KIAA0825: variants seen among roughly 807,000 people sequenced by gnomAD.
KIAA0825 encodes KIAA0825, also known as uncharacterized protein KIAA0825.
KIAA0825 carries 119 observed loss-of-function variants against 147.6 expected under a neutral mutation model. The observed-to-expected ratio is 0.81, with a 90% CI of 0.69 to 0.94. The LOEUF (loss-of-function observed/expected upper bound fraction) is 0.94, where lower values mean the gene tolerates loss of function less well. KIAA0825 is among the 40% of genes least tolerant of loss of function. The pLI is 0.00. For synonymous variants in KIAA0825, 470 were observed against 518.1 expected (o/e 0.91, Z 1.26); for missense variants, 1,381 against 1,472.7 (o/e 0.94, Z 1.02).
chr5:94,424,339 T>A (rs1294591391), intron 14 of KIAA0825, among the ~76,000 whole-genome samples: 1 of 151,950 alleles, frequency 6.6e-6, no homozygotes, highest in East Asian at 1.9e-4. Flanking sequence ...AACAAAGGAA[T>A]AAAACTAGAT....
Position 94,230,285 on chromosome 5 carries a change from A to C in KIAA0825, c.3711-76161T>G, listed in dbSNP as rs76846720. ...TCTCGTGTTTTCAGTTCCATTAATC[A>C]CCCTCAACCTAGAGTGTTCCTAATG... On this transcript the variant is annotated intron_variant, in intron 20 of 20. Transcript: ENST00000682413. Among the ~76,000 whole-genome samples, 960 of 152,262 alleles carry C rather than the reference A, an allele frequency of 6.3e-3. 10 individuals are homozygous for C. Among genetic ancestry groups the C allele is most frequent in the African/African-American group, 0.022 (932 of 41,554 alleles).
At chr5:94,505,849 A>G (rs1490310484) in intron 5 of KIAA0825, among the ~76,000 whole-genome samples, 1 of 152,164 alleles carries the variant, frequency 6.6e-6, no homozygotes, top group African/African-American at 2.4e-5. Context: ...ATTCGATCTC[A>G]TGACATTTAA....
intron 14 of KIAA0825, among the ~76,000 whole-genome samples, chr5:94,424,461 A>C (rs1754588795): frequency 6.6e-6 from 1 of 152,170 alleles, no homozygotes; most frequent in Non-Finnish European, 1.5e-5. Context: ...AATTTAAAAA[A>C]ATTCCTAAAA....
chr5:94,245,736 C>A (rs1407721032), intron 20 of KIAA0825, among the ~76,000 whole-genome samples: 3 of 152,148 alleles, frequency 2.0e-5, no homozygotes, highest in Admixed American at 2.0e-4. Context: ...TGATATATGA[C>A]TAAAGTGACA....
intron 20 of KIAA0825, among the ~76,000 whole-genome samples, chr5:94,345,797 G>C (rs956916669): frequency 6.6e-6 from 1 of 151,912 alleles, no homozygotes; most frequent in Non-Finnish European, 1.5e-5. Context: ...CGGGAGCTTC[G>C]ACAAGACTCA....
At chr5:94,436,709 G>A (rs1010381933) in intron 14 of KIAA0825, among the ~76,000 whole-genome samples, 28 of 151,964 alleles carry the variant, frequency 1.8e-4, no homozygotes, top group Admixed American at 9.2e-4. Flanking sequence ...AATTTATTTC[G>A]GCAGTGTGTC....
rs1351921630 is a variant in KIAA0825 at position 94,153,813 on chromosome 5, A to T, written c.*194T>A. 2.4e-6 allele frequency: 1 copy of T among 422,160 alleles called. No individual in the cohort carries two copies. The highest frequency in any genetic ancestry group is 2.0e-5 in the African/African-American group (1 of 49,824). The allele number at this position is 422,160 out of a possible 1,614,324, so 26.2% of individuals were successfully genotyped here. On this transcript the variant is annotated 3_prime_UTR_variant, in exon 21 of 21. Coordinates refer to ENST00000682413, the MANE Select transcript of KIAA0825 (RefSeq NM_001145678.3). ...AAGATTGGGGAAAGAAAAACATTTG[A>T]AATTATTTTTAAAATAAAAAAATAT...
chr5:94,379,844 C>CTTTTTTTTTTTTTTT lies in KIAA0825; in HGVS notation c.3710+4509_3710+4523dup, dbSNP rs59886046. ...TAGCTGTATTCCTAGGTATTTTATT[C>CTTTTTTTTTTTTTTT]TTTTTTTTTTTTTTTTTTTTTTTTT... On this transcript the variant is annotated intron_variant, in intron 20 of 20. Coordinates refer to ENST00000682413, the MANE Select transcript of KIAA0825 (RefSeq NM_001145678.3). 5.4e-5 allele frequency among the ~76,000 whole-genome samples: 3 copies of CTTTTTTTTTTTTTTT among 55,724 alleles called. 1 individual carries two copies. Among genetic ancestry groups the CTTTTTTTTTTTTTTT allele is most frequent in the Non-Finnish European group, 1.0e-4 (3 of 30,118 alleles). The allele number at this position is 55,724 out of a possible 152,430, so 36.6% of individuals were successfully genotyped here.
chr5:94,605,965 G>C (rs1787415139), intron 1 of KIAA0825, among the ~76,000 whole-genome samples: 1 of 152,198 alleles, frequency 6.6e-6, no homozygotes, highest in African/African-American at 2.4e-5. Flanking sequence ...AACAGAGGAA[G>C]TCAAACTATC....
chr5:94,575,626 C>T (rs1780873634), intron 2 of KIAA0825, among the ~76,000 whole-genome samples: 1 of 152,134 alleles, frequency 6.6e-6, no homozygotes, highest in Non-Finnish European at 1.5e-5. Context: ...TATGGTTCTC[C>T]CTGAGCAATA....
At chr5:94,471,335 G>A (rs1262760359) in intron 9 of KIAA0825, 131 bp downstream of exon 9, 1 of 1,008,058 alleles carries the variant, frequency 9.9e-7, no homozygotes, top group Non-Finnish European at 1.4e-6. Flanking sequence ...TAAGACAAAT[G>A]AAAATAATTC....
In KIAA0825 at chr5:94,571,747, G is replaced by T. The variant is rs114950167; in HGVS notation, c.-2+10686C>A. ...GTAAGTGTCAACAAACATTTTATGA[G>T]AGTTATACATGAATTATTTCCAGCA... On this transcript the variant is annotated intron_variant, in intron 2 of 20. Coordinates refer to ENST00000682413, the MANE Select transcript of KIAA0825 (RefSeq NM_001145678.3). 7.0e-3 allele frequency among the ~76,000 whole-genome samples: 1,061 copies of T among 152,266 alleles called. 15 individuals are homozygous for T. The highest frequency in any genetic ancestry group is 0.024 in the African/African-American group (987 of 41,562).
At chr5:94,318,388 A>G (rs1779852415) in intron 20 of KIAA0825, among the ~76,000 whole-genome samples, 1 of 151,942 alleles carries the variant, frequency 6.6e-6, no homozygotes, top group Non-Finnish European at 1.5e-5. Context: ...TAAACTGATT[A>G]TAAGAAATTG....
intron 6 of KIAA0825, among the ~76,000 whole-genome samples, chr5:94,477,878 T>A (rs966513097): frequency 1.3e-5 from 2 of 152,150 alleles, no homozygotes; most frequent in Admixed American, 6.5e-5. Flanking sequence ...CCAAAATAAA[T>A]CTTTCTACTT....
At chr5:94,160,640 GTGTATATTAAATATATACTGTATGTA>G (rs1366037129) in intron 20 of KIAA0825, among the ~76,000 whole-genome samples, 6 of 147,706 alleles carry the variant, frequency 4.1e-5, no homozygotes, top group Non-Finnish European at 7.4e-5. Flanking sequence ...TACTGTATGT[GTGTATATTAAATATATACTGTATGTA>G]TGTATATTTA....
At chr5:94,159,018 A>G (rs1299246619) in intron 20 of KIAA0825, among the ~76,000 whole-genome samples, 1 of 152,198 alleles carries the variant, frequency 6.6e-6, no homozygotes, top group Non-Finnish European at 1.5e-5. Context: ...TCTAATAAGA[A>G]TGCAGAGGTG....
intron 2 of KIAA0825, among the ~76,000 whole-genome samples, chr5:94,562,540 A>G (rs1777739081): frequency 6.6e-6 from 1 of 152,162 alleles, no homozygotes; most frequent in Admixed American, 6.5e-5. Context: ...AAACAGTTCA[A>G]ATTATCTTCA....
chr5:94,521,377 T>C (rs771515306), intron 4 of KIAA0825, among the ~76,000 whole-genome samples: 44 of 151,788 alleles, frequency 2.9e-4, no homozygotes, highest in Non-Finnish European at 5.2e-4. Flanking sequence ...AATGAACATA[T>C]CATACAATAC....
intron 5 of KIAA0825, among the ~76,000 whole-genome samples, chr5:94,497,204 A>T (rs1029584915): frequency 1.3e-5 from 2 of 152,210 alleles, no homozygotes; most frequent in Non-Finnish European, 2.9e-5. Context: ...TAGCAATGAC[A>T]TCAAATGAAG....
Sources: allele counts gnomAD v4.1 joint callset (sites outside exome capture counted in the v4.1 genomes callset), GRCh38; gene constraint gnomAD v4.1.1; transcripts MANE v1.5; gene names NCBI Gene and HGNC (gene_info 2026-07-23, HGNC 2026-07-21).